The following EIF2AK3 variants were observed in gnomAD, a reference collection of about 807,000 sequenced individuals.
EIF2AK3 encodes the protein eukaryotic translation initiation factor 2-alpha kinase 3.
Under a neutral mutation model 113.5 loss-of-function variants are expected in EIF2AK3, and 50 were observed. The ratio of observed to expected loss-of-function variants is 0.44; its 90% CI spans 0.35 to 0.56. EIF2AK3 has a LOEUF of 0.56. Ranked by LOEUF, EIF2AK3 falls within the 20% of genes least tolerant of loss-of-function variation. The probability of loss-of-function intolerance (pLI) is 0.00; values close to 1 mark genes in which losing one functional copy is unlikely to be tolerated. For missense variants in EIF2AK3, 1,185 were observed against 1,378.0 expected (o/e 0.86, Z 2.22); for synonymous variants, 448 against 495.4 (o/e 0.90, Z 1.27).
At chr2:88,578,575 G>T (rs943766023) in intron 11 of EIF2AK3, among the ~76,000 whole-genome samples, 4 of 151,942 alleles carry the variant, frequency 2.6e-5, no homozygotes, top group African/African-American at 9.7e-5. Flanking sequence ...CCAGCTACTC[G>T]GGAGGCTGAG....
rs748961764 is a variant in EIF2AK3 at position 88,558,987 on chromosome 2, GA to G, written c.3088-9del. The G allele has an allele frequency of 1.2e-5, 19 of 1,547,476 alleles. No homozygotes were observed. Among genetic ancestry groups the G allele is most frequent in the South Asian group, 5.7e-5 (5 of 88,200 alleles). On this transcript the variant is annotated splice_polypyrimidine_tract_variant and intron_variant, in intron 15 of 16. Transcript: ENST00000303236. ...TCTTACATCAGTTAAGGTCTAAAAA[GA>G]AAAAAAGTATCACTTATTAAGTTTA...
chr2:88,607,078 T>A (rs1195373485), intron 2 of EIF2AK3, among the ~76,000 whole-genome samples: 1 of 152,314 alleles, frequency 6.6e-6, no homozygotes, highest in African/African-American at 2.4e-5. Context: ...ACAATATGCA[T>A]TCTGAATAAC....
chr2:88,624,748 T>C (rs960928698), intron 1 of EIF2AK3: 1 of 152,184 alleles, frequency 6.6e-6, no homozygotes, highest in Non-Finnish European at 1.5e-5. Context: ...CCCCTTACCT[T>C]TTCTTCCCTG....
At chr2:88,619,076 G>A (rs1351932597) in intron 1 of EIF2AK3, among the ~76,000 whole-genome samples, 2 of 149,518 alleles carry the variant, frequency 1.3e-5, no homozygotes, top group Non-Finnish European at 3.0e-5. Flanking sequence ...GGCAACCTCC[G>A]CCTCCCAGGT....
chr2:88,617,514 T>C (rs747659084), intron 1 of EIF2AK3, among the ~76,000 whole-genome samples: 12 of 151,868 alleles, frequency 7.9e-5, no homozygotes, highest in Non-Finnish European at 1.3e-4. Context: ...AAAACTACCA[T>C]TGGGGCCAGG....
rs1438632782 is a variant in EIF2AK3 at position 88,583,283 on chromosome 2, C to T, written c.1763+147G>A. ...CTTAGGGTATATACCACTTTTAATA[C>T]ATTTAAGTTACCTGAATTTATTTAT... On this transcript the variant is annotated intron_variant, in intron 10 of 16. Coordinates refer to ENST00000303236, the MANE Select transcript of EIF2AK3 (RefSeq NM_004836.7). 4 of 633,994 alleles carry T rather than the reference C, an allele frequency of 6.3e-6. No homozygotes were observed. In the East Asian group the frequency reaches 1.1e-4, roughly 17 times the overall value. 39.3% of individuals were successfully genotyped at this position (633,994 alleles called of 1,614,324 possible). A position where few individuals can be genotyped will look rare whatever the true frequency, so the allele number is the denominator to read the frequency against.
chr2:88,612,328 C>G (rs1213586478), intron 2 of EIF2AK3, among the ~76,000 whole-genome samples: 1 of 152,186 alleles, frequency 6.6e-6, no homozygotes, highest in African/African-American at 2.4e-5. Flanking sequence ...TGCTGATCAT[C>G]TCTTATGTCT....
At chr2:88,558,167 A>G (rs1673836622) in intron 16 of EIF2AK3, among the ~76,000 whole-genome samples, 1 of 152,264 alleles carries the variant, frequency 6.6e-6, no homozygotes, top group Admixed American at 6.5e-5. Context: ...TTTATTATAA[A>G]AATAGGTGGC....
At chr2:88,584,352 AC>A (rs1231865918) in intron 9 of EIF2AK3, among the ~76,000 whole-genome samples, 1 of 152,142 alleles carries the variant, frequency 6.6e-6, no homozygotes, top group East Asian at 1.9e-4. Flanking sequence ...CCCCATCTCT[AC>A]AAAAAATACA....
At position 88,601,834 on chromosome 2, in the gene EIF2AK3, C is replaced by CTTTT. The variant is rs59987968; in HGVS notation, c.439-6175_439-6172dup. On this transcript the variant is annotated intron_variant, in intron 2 of 16. Transcript: ENST00000303236. The stretch of plus-strand genomic sequence containing the variant: ...TCTGCATTTATTAGTTAAGATTTTT[C>CTTTT]TTTTTTTTTTTTTTTTTTTTTGCTT... 4.2e-3 allele frequency among the ~76,000 whole-genome samples: 315 copies of CTTTT among 74,758 alleles called. 3 individuals carry two copies. Among genetic ancestry groups the CTTTT allele is most frequent in the African/African-American group, 0.016 (298 of 18,690 alleles). 49.0% of individuals were successfully genotyped at this position (74,758 alleles called of 152,430 possible).
chr2:88,593,057 G>A (rs1419162332), intron 4 of EIF2AK3, among the ~76,000 whole-genome samples: 2 of 152,064 alleles, frequency 1.3e-5, no homozygotes, highest in African/African-American at 4.8e-5. Context: ...CAGGAGATTC[G>A]CTTGAACCCA....
intron 2 of EIF2AK3, among the ~76,000 whole-genome samples, chr2:88,609,893 G>C (rs1048487401): frequency 6.7e-5 from 9 of 133,392 alleles, no homozygotes; most frequent in Non-Finnish European, 1.4e-4. Context: ...AGGATAGCTT[G>C]AGCCCAGCAG....
chr2:88,624,854 C>G (rs1675819846), intron 1 of EIF2AK3: 1 of 152,274 alleles, frequency 6.6e-6, no homozygotes, highest in Non-Finnish European at 1.5e-5. Flanking sequence ...TGCCAGGAAC[C>G]TAGATTTTGC....
chr2:88,609,945 CAAAAAAAAAAAA>C (rs71378880), intron 2 of EIF2AK3, among the ~76,000 whole-genome samples: 5 of 38,800 alleles, frequency 1.3e-4, no homozygotes, highest in Non-Finnish European at 1.9e-4. Context: ...TCCATCTCTA[CAAAAAAAAAAAA>C]AAAAAAAAAA....
chr2:88,603,560 C>T (rs902576044), intron 2 of EIF2AK3, among the ~76,000 whole-genome samples: 2 of 152,196 alleles, frequency 1.3e-5, no homozygotes, highest in Admixed American at 6.5e-5. Context: ...TTCATAAAGT[C>T]TTCACACCAA....
At chr2:88,624,031 G>A (rs1675798651) in intron 1 of EIF2AK3, among the ~76,000 whole-genome samples, 1 of 149,360 alleles carries the variant, frequency 6.7e-6, no homozygotes, top group African/African-American at 2.5e-5. Context: ...CGCTCTTGTT[G>A]CCCAGGCTGG....
At chr2:88,604,503 T>C (rs1675222570) in intron 2 of EIF2AK3, among the ~76,000 whole-genome samples, 1 of 152,232 alleles carries the variant, frequency 6.6e-6, no homozygotes, top group Non-Finnish European at 1.5e-5. Context: ...AGTCTTTCTT[T>C]GTGCTCTATC....
chr2:88,613,749 A>C lies in EIF2AK3; in HGVS notation c.413T>G (p.Val138Gly). The stretch of plus-strand genomic sequence containing the variant: ...CTCTGGTTTGCTAAGGCTGGATGAC[A>C]CCAAGGAACCGGATCCCACATCCAA... ...WDLDVGSGSLVSSSLSKPEVF... is the reference protein window; with the variant it reads ...WDLDVGSGSLGSSSLSKPEVF... The change falls in exon 2 of 17, where the codon GTG becomes GGG. Residue 138 changes from valine (V) to glycine (G), a missense_variant. Val to Gly is a moderately radical substitution (Grantham distance 109). Coordinates refer to ENST00000303236, the MANE Select transcript of EIF2AK3 (RefSeq NM_004836.7). 1 of 1,614,114 alleles carries C rather than the reference A, an allele frequency of 6.2e-7. No homozygotes were observed.
Position 88,588,870 on chromosome 2 carries a change from T to C in EIF2AK3, c.1197A>G (p.Ser399=). Residue 399 remains serine, a synonymous_variant, in exon 7 of 17, where the codon TCA becomes TCG. Transcript: ENST00000303236. The part of the protein sequence containing the change: ...GMYRGQLYLQ[S]SVRISEKFPS... ...GAAACTTTTCTGAAATTCTGACTGA[T>C]GACTGCAGATACAGCTGGCCTCTAT... is the stretch of plus-strand genomic sequence containing the variant. The C allele has an allele frequency of 6.2e-7, 1 of 1,613,878 alleles. No homozygotes were observed. The highest frequency in any genetic ancestry group is 1.7e-4 in the Middle Eastern group (1 of 6,058).
Sources: gnomAD v4.1 joint callset for allele counts (sites outside exome capture counted in the v4.1 genomes callset) on GRCh38, gnomAD v4.1.1 for gene constraint, MANE v1.5 for transcripts, NCBI Gene and HGNC (gene_info 2026-07-23, HGNC 2026-07-21) for gene names.